Variants in PLCL1 observed in about 807,000 individuals in gnomAD.
The protein encoded by PLCL1 is phospholipase C like 1 (inactive), also known as inactive phospholipase C-like protein 1.
PLCL1 carries 41 observed loss-of-function variants against 84.4 expected under a neutral mutation model. The ratio of observed to expected loss-of-function variants is 0.49; its 90% CI spans 0.38 to 0.63. The LOEUF (loss-of-function observed/expected upper bound fraction) is 0.63. Among genes scored for constraint, PLCL1 ranks in the 30% least tolerant of loss-of-function variants. The pLI, the probability that PLCL1 is intolerant of heterozygous loss-of-function variation, is 0.00. For synonymous variants in PLCL1, 490 were observed against 488.3 expected (o/e 1.00, Z -0.05); for missense variants, 1,206 against 1,367.8 (o/e 0.88, Z 1.87).
intron 1 of PLCL1, among the ~76,000 whole-genome samples, chr2:197,813,674 CGT>C (rs1020601732): frequency 7.2e-5 from 11 of 152,062 alleles, no homozygotes; most frequent in African/African-American, 2.7e-4. Flanking sequence ...TGAGCATTAA[CGT>C]GTGTCAAATA....
intron 1 of PLCL1, among the ~76,000 whole-genome samples, chr2:197,812,083 G>A (rs1187569829): frequency 1.3e-5 from 2 of 152,146 alleles, no homozygotes; most frequent in African/African-American, 4.8e-5. Context: ...TTCTATTTCT[G>A]CATTAGTTCA....
Position 198,085,018 on chromosome 2 carries a change from A to C in PLCL1, c.1501A>C (p.Lys501Gln). The change falls in exon 2 of 6, where the codon AAG (lysine) becomes CAG (glutamine). Residue 501 changes from lysine (K) to glutamine (Q), a missense_variant. Transcript: ENST00000428675. This position sits in a 1 kb window ranked among gnomAD's most constrained non-coding sequence, Gnocchi z 5.3. ...AAATCACTGCTCCTTGCCGCAGCAG[A>C]AGGTAATGGCTCAACAGATGAAAAA... ...LGNHCSLPQQ[K>Q]VMAQQMKKVF... 1 of 1,614,070 alleles carries C rather than the reference A, an allele frequency of 6.2e-7. No homozygotes were observed. Among genetic ancestry groups the C allele is most frequent in the Non-Finnish European group, 8.5e-7 (1 of 1,179,994 alleles).
chr2:197,819,789 CA>C lies in PLCL1; in HGVS notation c.240+14452del, dbSNP rs372068937. Reference sequence around the variant, plus strand: ...TGAGCACACCATTGTCAAGATCTTACAATATCTTCAATTCTTACAACAGTCT... The same window carrying C: ...TGAGCACACCATTGTCAAGATCTTACATATCTTCAATTCTTACAACAGTCT... On this transcript the variant is annotated intron_variant, in intron 1 of 5. Coordinates refer to ENST00000428675, the MANE Select transcript of PLCL1 (RefSeq NM_006226.4). Among the ~76,000 whole-genome samples, 315 of 152,056 alleles carry C rather than the reference CA, an allele frequency of 2.1e-3. 4 individuals carry two copies. The highest frequency in any genetic ancestry group is 0.01 in the Middle Eastern group (3 of 294).
intron 1 of PLCL1, among the ~76,000 whole-genome samples, chr2:198,045,527 G>A (rs1691766018): frequency 6.6e-6 from 1 of 152,152 alleles, no homozygotes; most frequent in Non-Finnish European, 1.5e-5. Context: ...TGATGAGTCA[G>A]TTCATCTTGT....
rs143011607 is a variant in PLCL1 at position 198,139,282 on chromosome 2, C to T, written c.3106-7498C>T. On this transcript the variant is annotated intron_variant, in intron 5 of 5. Transcript: ENST00000428675. Reference sequence around the variant, plus strand: ...TTGTATTTGTCTTGGCATGTTATGCCGACCTTAATTGAGGTTGTTTCTTTC... The same window carrying T: ...TTGTATTTGTCTTGGCATGTTATGCTGACCTTAATTGAGGTTGTTTCTTTC... 2.4e-4 allele frequency among the ~76,000 whole-genome samples: 37 copies of T among 152,244 alleles called. 1 individual carries two copies. The East Asian group carries it at 4.2e-3, about 17-fold the overall frequency.
Position 198,085,096 on chromosome 2 carries a change from C to T in PLCL1, c.1579C>T (p.Leu527Phe), listed in dbSNP as rs146482739. 20 of 1,613,908 alleles carry T rather than the reference C, an allele frequency of 1.2e-5. No homozygotes were observed. Among genetic ancestry groups the T allele is most frequent in the Non-Finnish European group, 1.7e-5 (20 of 1,179,956 alleles). Residue 527 changes from leucine (L) to phenylalanine (F), a missense_variant, in exon 2 of 6, where the codon CTC becomes TTC. By Grantham distance (22) the Leu-to-Phe change is conservative. Transcript: ENST00000428675. This position sits in a 1 kb window ranked among gnomAD's most constrained non-coding sequence, Gnocchi z 5.3. Reference protein sequence around the residue: ...TEAPLPSESYLPSPEKLKRMI... With the variant: ...TEAPLPSESYFPSPEKLKRMI... ...AGCACCTTTGCCCTCAGAATCCTAC[C>T]TCCCATCACCAGAAAAATTAAAAAG...
intron 1 of PLCL1, among the ~76,000 whole-genome samples, chr2:198,002,380 A>G (rs954336700): frequency 2.0e-5 from 3 of 152,138 alleles, no homozygotes; most frequent in Non-Finnish European, 4.4e-5. Context: ...TGGGTATACA[A>G]AGGTTTGATT....
chr2:198,024,213 C>T (rs1691208239), intron 1 of PLCL1, among the ~76,000 whole-genome samples: 1 of 152,000 alleles, frequency 6.6e-6, no homozygotes. Context: ...CATATGGGCA[C>T]ATGGAGGGGA....
At chr2:197,855,327 G>A (rs561541488) in intron 1 of PLCL1, among the ~76,000 whole-genome samples, 5 of 152,156 alleles carry the variant, frequency 3.3e-5, no homozygotes, top group East Asian at 3.9e-4. Flanking sequence ...AGCTGAAGCC[G>A]CTTAATCCCC....
At chr2:198,142,737 T>C (rs754068675) in intron 5 of PLCL1, among the ~76,000 whole-genome samples, 2 of 152,060 alleles carry the variant, frequency 1.3e-5, no homozygotes, top group Admixed American at 6.6e-5. Flanking sequence ...CCCATCAGCA[T>C]CAGTCTACCT....
chr2:198,083,130 T>C (rs1692763503), intron 1 of PLCL1, among the ~76,000 whole-genome samples: 1 of 152,232 alleles, frequency 6.6e-6, no homozygotes, highest in Admixed American at 6.5e-5. Flanking sequence ...TGCACTGAAA[T>C]GCAGGCGTGA....
chr2:197,980,889 T>C (rs1690091436), intron 1 of PLCL1, among the ~76,000 whole-genome samples: 1 of 152,152 alleles, frequency 6.6e-6, no homozygotes, highest in Non-Finnish European at 1.5e-5. Flanking sequence ...GAGAAGGCTG[T>C]TTGCAGTTAT....
intron 1 of PLCL1, among the ~76,000 whole-genome samples, chr2:197,895,614 A>G (rs1458172109): frequency 6.6e-6 from 1 of 152,028 alleles, no homozygotes; most frequent in Non-Finnish European, 1.5e-5. Context: ...TGTACTTTAA[A>G]TAGTGTGCTC....
intron 5 of PLCL1, among the ~76,000 whole-genome samples, chr2:198,141,026 A>G (rs1281444393): frequency 6.6e-6 from 1 of 152,166 alleles, no homozygotes; most frequent in Admixed American, 6.6e-5. Context: ...ATTGCATTAT[A>G]TAATAAAGAT....
intron 5 of PLCL1, among the ~76,000 whole-genome samples, chr2:198,126,197 A>G (rs1433804352): frequency 6.6e-6 from 1 of 152,068 alleles, no homozygotes; most frequent in East Asian, 1.9e-4. Context: ...GCAGTTCTCC[A>G]AATATCCCAT....
At chr2:197,885,254 G>A (rs1384203781) in intron 1 of PLCL1, among the ~76,000 whole-genome samples, 1 of 152,150 alleles carries the variant, frequency 6.6e-6, no homozygotes, top group South Asian at 2.1e-4. Context: ...CAAATATGGA[G>A]ACCACAATGT....
At chr2:197,819,629 T>C (rs1333117804) in intron 1 of PLCL1, among the ~76,000 whole-genome samples, 1 of 152,158 alleles carries the variant, frequency 6.6e-6, no homozygotes, top group Non-Finnish European at 1.5e-5. Context: ...GGCTGTCTAC[T>C]ATCACTCCCA....
intron 1 of PLCL1, among the ~76,000 whole-genome samples, chr2:197,979,008 A>C (rs932452925): frequency 6.6e-6 from 1 of 152,344 alleles, no homozygotes; most frequent in East Asian, 1.9e-4. Context: ...CTGTACATCC[A>C]CTGTGGATTG....
chr2:198,148,471 A>G lies in PLCL1; in HGVS notation c.*1509A>G, dbSNP rs1038824575. 1 of 152,350 alleles carries G rather than the reference A, an allele frequency of 6.6e-6. No homozygotes were observed. Among genetic ancestry groups the G allele is most frequent in the African/African-American group, 2.4e-5 (1 of 41,442 alleles). The allele number at this position is 152,350 out of a possible 1,614,324, so 9.4% of individuals were successfully genotyped here. A position where few individuals can be genotyped will look rare whatever the true frequency, so the allele number is the denominator to read the frequency against. On this transcript the variant is annotated 3_prime_UTR_variant, in exon 6 of 6. Coordinates refer to ENST00000428675, the MANE Select transcript of PLCL1 (RefSeq NM_006226.4). ...TAATGAAAATGGGTTACTACATCAAAAATATCTTAAAGAGTTTGCTATTTC... is the reference window on the plus strand; with the variant it reads ...TAATGAAAATGGGTTACTACATCAAGAATATCTTAAAGAGTTTGCTATTTC...
Sources: gnomAD v4.1 joint callset for allele counts (sites outside exome capture counted in the v4.1 genomes callset) on GRCh38, gnomAD v4.1.1 for gene constraint, Gnocchi (gnomAD v3.1) non-coding constraint, MANE v1.5 for transcripts, NCBI Gene and HGNC (gene_info 2026-07-23, HGNC 2026-07-21) for gene names.